CYSLTR1: variants seen among roughly 807,000 people sequenced by gnomAD.
The protein encoded by CYSLTR1 is cysteinyl leukotriene receptor 1.
CYSLTR1 carries 1 observed loss-of-function variant against 2.1 expected under a neutral mutation model. That is an observed-to-expected ratio of 0.48 (90% confidence interval 0.17 to 2.28). CYSLTR1 has a LOEUF of 2.28. Ranked by LOEUF, CYSLTR1 falls within the 30% of genes most tolerant of loss-of-function variation. CYSLTR1 has a pLI of 0.26. For missense variants in CYSLTR1, 299 were observed against 250.1 expected (o/e 1.20, Z -1.32); for synonymous variants, 110 against 89.6 (o/e 1.23, Z -1.28).
At chrX:78,277,668 G>C (rs1051875389) in intron 2 of CYSLTR1, among the ~76,000 whole-genome samples, 1 of 111,373 alleles carries the variant, frequency 9.0e-6, no homozygotes, top group African/African-American at 3.3e-5. Flanking sequence ...GCTGAATCTC[G>C]GACCCCTGAA....
intron 1 of CYSLTR1, among the ~76,000 whole-genome samples, chrX:78,322,210 A>C (rs993584705): frequency 8.1e-5 from 9 of 111,782 alleles, no homozygotes; most frequent in Non-Finnish European, 1.1e-4. Flanking sequence ...AATGAAAAAA[A>C]GTTGGTTGTG....
At chrX:78,278,888 G>A (rs1478962135) in intron 2 of CYSLTR1, among the ~76,000 whole-genome samples, 1 of 112,387 alleles carries the variant, frequency 8.9e-6, no homozygotes, top group African/African-American at 3.2e-5. Flanking sequence ...ATGGTGCTGA[G>A]ATAACTGGCT....
intron 1 of CYSLTR1, among the ~76,000 whole-genome samples, chrX:78,323,875 A>G (rs2147279187): frequency 8.9e-6 from 1 of 112,245 alleles, no homozygotes; most frequent in East Asian, 2.8e-4. Context: ...CAAGATAATG[A>G]CATTTTATTC....
intron 2 of CYSLTR1, among the ~76,000 whole-genome samples, chrX:78,280,744 C>A (rs898763761): frequency 9.0e-6 from 1 of 111,281 alleles, no homozygotes; most frequent in African/African-American, 3.3e-5. Context: ...ACAGCCTCTA[C>A]CCTCAGGTAG....
intron 1 of CYSLTR1, among the ~76,000 whole-genome samples, chrX:78,313,276 A>G (rs1416454512): frequency 9.0e-6 from 1 of 111,634 alleles, no homozygotes; most frequent in African/African-American, 3.3e-5. Flanking sequence ...ACATATAGAC[A>G]TAAATATTGG....
rs1157363625 is a variant in CYSLTR1 at position 78,272,830 on chromosome X, A to G, written c.917T>C (p.Leu306Pro). Residue 306 changes from leucine (L) to proline (P), a missense_variant, in exon 3 of 3, where the codon CTG (leucine) becomes CCG (proline). By Grantham distance (98) the Leu-to-Pro change is moderately conservative (BLOSUM62 -3). Transcript: ENST00000373304. ...FFSGGNFRKR[L>P]STFRKHSLSS... ...CAAAGAATGCTTTCTGAATGTAGAC[A>G]GCCTTTTCCTAAAGTTACCCCCAGA... is the stretch of plus-strand genomic sequence containing the variant. 3 of 1,209,099 alleles carry G rather than the reference A, an allele frequency of 2.5e-6. No homozygotes were observed. The highest frequency in any genetic ancestry group is 3.4e-6 in the Non-Finnish European group (3 of 894,978).
chrX:78,290,572 T>A (rs774666557), intron 1 of CYSLTR1, among the ~76,000 whole-genome samples: 6 of 112,333 alleles, frequency 5.3e-5, no homozygotes, highest in South Asian at 3.7e-4. Context: ...ACAATATTGA[T>A]TCTTCCTATC....
At position 78,273,542 on chromosome X, in the gene CYSLTR1, C is replaced by G; in HGVS notation, c.205G>C (p.Asp69His). The stretch of plus-strand genomic sequence containing the variant: ...GGCAGTGTGCACACACAAAGTAGAT[C>G]TGCTACTGCTAAATTAATCATGTAT... ...QVYMINLAVA[D>H]LLCVCTLPLR... The change falls in exon 3 of 3, where the codon GAT becomes CAT. Residue 69 changes from aspartate (D) to histidine (H), a missense_variant. Transcript: ENST00000373304. 1 of 1,211,502 alleles carries G rather than the reference C, an allele frequency of 8.3e-7. No homozygotes were observed. The highest frequency in any genetic ancestry group is 1.1e-6 in the Non-Finnish European group (1 of 895,405).
chrX:78,297,818 A>C (rs1190129516), intron 1 of CYSLTR1, among the ~76,000 whole-genome samples: 1 of 111,327 alleles, frequency 9.0e-6, no homozygotes, highest in East Asian at 2.8e-4. Flanking sequence ...ACTTTTCAAA[A>C]AACTGATTTT....
intron 1 of CYSLTR1, among the ~76,000 whole-genome samples, chrX:78,295,279 T>G (rs979178264): frequency 9.0e-6 from 1 of 111,143 alleles, no homozygotes. Flanking sequence ...ATTCAGCTGT[T>G]GATGGACCTT....
rs1340553197 is a variant in CYSLTR1 at position 78,271,845 on chromosome X, T to C, written c.*888A>G. The C allele has an allele frequency of 1.8e-5, 2 of 112,535 alleles. No individual in the cohort carries two copies. The highest frequency in any genetic ancestry group is 3.8e-5 in the Non-Finnish European group (2 of 53,288). The allele number at this position is 112,535 out of a possible 1,213,427, so 9.3% of individuals were successfully genotyped here. A position where few individuals can be genotyped will look rare whatever the true frequency, so the allele number is the denominator to read the frequency against. On this transcript the variant is annotated 3_prime_UTR_variant, in exon 3 of 3. Coordinates refer to ENST00000373304, the MANE Select transcript of CYSLTR1 (RefSeq NM_006639.4). The stretch of plus-strand genomic sequence containing the variant: ...AATTTTCTTCATAAATCCTTTGTAG[T>C]TTATTTTGATCCCAGCAATTGGCAT...
chrX:78,277,665 C>T (rs952676507), intron 2 of CYSLTR1, among the ~76,000 whole-genome samples: 1 of 111,636 alleles, frequency 9.0e-6, no homozygotes, highest in Non-Finnish European at 1.9e-5. Context: ...TGGGCTGAAT[C>T]TCGGACCCCT....
intron 1 of CYSLTR1, among the ~76,000 whole-genome samples, chrX:78,304,581 A>G (rs1376155948): frequency 9.0e-6 from 1 of 110,919 alleles, no homozygotes; most frequent in Non-Finnish European, 1.9e-5. Flanking sequence ...AATTCTTAAC[A>G]GGACCCATTT....
intron 1 of CYSLTR1, among the ~76,000 whole-genome samples, chrX:78,322,741 A>G (rs1923713877): frequency 8.9e-6 from 1 of 112,012 alleles, no homozygotes; most frequent in African/African-American, 3.2e-5. Context: ...TACATTTCCA[A>G]GGATATGTAT....
chrX:78,295,432 T>A (rs994816560), intron 1 of CYSLTR1, among the ~76,000 whole-genome samples: 2 of 107,275 alleles, frequency 1.9e-5, no homozygotes, highest in Non-Finnish European at 3.8e-5. Flanking sequence ...CCAGATCATA[T>A]GGGAATTCTA....
chrX:78,307,371 C>A (rs1304358656), intron 1 of CYSLTR1, among the ~76,000 whole-genome samples: 1 of 111,738 alleles, frequency 8.9e-6, no homozygotes. Context: ...CTAAAGGCTA[C>A]CTTCAGGCCC....
intron 2 of CYSLTR1, among the ~76,000 whole-genome samples, chrX:78,276,060 G>T (rs899556015): frequency 1.8e-5 from 2 of 112,363 alleles, no homozygotes; most frequent in Admixed American, 1.9e-4. Flanking sequence ...TGTTTGGTGA[G>T]AAAAACGTTG....
chrX:78,277,917 C>G (rs925635589), intron 2 of CYSLTR1, among the ~76,000 whole-genome samples: 2 of 111,498 alleles, frequency 1.8e-5, no homozygotes, highest in Non-Finnish European at 3.8e-5. Flanking sequence ...TGACTCTTAA[C>G]CAGATTGAAA....
chrX:78,324,895 GACAC>G (rs763006501), intron 1 of CYSLTR1, among the ~76,000 whole-genome samples: 11 of 106,481 alleles, frequency 1.0e-4, no homozygotes, highest in East Asian at 2.9e-4. Context: ...TTCTATTTTA[GACAC>G]ACACACACAC....
Sources: allele counts gnomAD v4.1 joint callset (sites outside exome capture counted in the v4.1 genomes callset), GRCh38; gene constraint gnomAD v4.1.1; transcripts MANE v1.5; gene names NCBI Gene and HGNC (gene_info 2026-07-23, HGNC 2026-07-21).